NEDD9: variants seen among roughly 807,000 people sequenced by gnomAD.
The protein encoded by NEDD9 is neural precursor cell expressed, developmentally down-regulated 9.
In NEDD9, 26 loss-of-function variants were observed where a neutral mutation model predicts 76.6. That is an observed-to-expected ratio of 0.34 (90% CI 0.25 to 0.47). NEDD9 has a LOEUF of 0.47. Ranked by LOEUF, NEDD9 falls within the 20% of genes least tolerant of loss-of-function variation. NEDD9 has a pLI of 1.00. For synonymous variants in NEDD9, 392 were observed against 414.2 expected (o/e 0.95, Z 0.65); for missense variants, 937 against 1,058.5 (o/e 0.89, Z 1.59).
intron 3 of NEDD9, chr6:11,249,216 T>C (rs1415927548): frequency 2.2e-6 from 1 of 455,578 alleles, no homozygotes; most frequent in Non-Finnish European, 4.4e-6. Flanking sequence ...GTTGAAGGCC[T>C]AAATAAAACA....
intron 3 of NEDD9, among the ~76,000 whole-genome samples, chr6:11,299,823 A>G (rs1050951917): frequency 3.3e-5 from 5 of 152,226 alleles, no homozygotes; most frequent in African/African-American, 1.2e-4. Context: ...CATCAACAAA[A>G]AGGACATCCA....
intron 1 of NEDD9, among the ~76,000 whole-genome samples, chr6:11,336,878 G>A (rs367770704): frequency 1.1e-4 from 16 of 152,304 alleles, no homozygotes; most frequent in African/African-American, 3.4e-4. Flanking sequence ...ATCTTGCCCT[G>A]CTGGAGGATC....
At chr6:11,330,975 T>A (rs1762024960) in intron 2 of NEDD9, among the ~76,000 whole-genome samples, 1 of 152,230 alleles carries the variant, frequency 6.6e-6, no homozygotes, top group Admixed American at 6.5e-5. Flanking sequence ...AATGGAATAT[T>A]GTGTAGATAC....
intron 2 of NEDD9, among the ~76,000 whole-genome samples, chr6:11,319,688 A>G (rs1417937082): frequency 8.9e-6 from 1 of 112,208 alleles, no homozygotes; most frequent in African/African-American, 3.6e-5. Flanking sequence ...ACAAACATGG[A>G]CACTCACACA....
chr6:11,202,586 C>T (rs1758482168), intron 2 of NEDD9, among the ~76,000 whole-genome samples: 1 of 152,232 alleles, frequency 6.6e-6, no homozygotes. Flanking sequence ...AGAAAAGCCA[C>T]ATGTTGCCTA....
chr6:11,366,394 G>A (rs1440472497), intron 1 of NEDD9, among the ~76,000 whole-genome samples: 2 of 128,884 alleles, frequency 1.6e-5, no homozygotes, highest in African/African-American at 5.5e-5. Flanking sequence ...CAGAGAGAGA[G>A]AGAAATAAAA....
rs1676432637 is a variant in NEDD9, at chr6:11,213,003, T to C, written c.459+278A>G. 6.6e-6 allele frequency among the ~76,000 whole-genome samples: 1 copy of C among 152,166 alleles called. No homozygotes were observed. The highest frequency in any genetic ancestry group is 2.4e-5 in the African/African-American group (1 of 41,426). Reference sequence around the variant, plus strand: ...CTTAGAAGCTGATATATGAGAAAGATGGAGAGAAACAGTTTAATAACCCAT... The same window carrying C: ...CTTAGAAGCTGATATATGAGAAAGACGGAGAGAAACAGTTTAATAACCCAT... On this transcript the variant is annotated intron_variant, in intron 2 of 6. Coordinates refer to ENST00000379446, the MANE Select transcript of NEDD9 (RefSeq NM_006403.4). The surrounding 1 kb of genome is among the most constrained non-coding windows in gnomAD (Gnocchi z 5.4).
At chr6:11,228,471 A>C (rs1407017317) in intron 1 of NEDD9, among the ~76,000 whole-genome samples, 1 of 152,196 alleles carries the variant, frequency 6.6e-6, no homozygotes, top group Non-Finnish European at 1.5e-5. Context: ...CAGAGGTCGC[A>C]GTGAGCTGAG....
intron 1 of NEDD9, among the ~76,000 whole-genome samples, chr6:11,216,604 G>A (rs1014480793): frequency 1.4e-4 from 21 of 152,170 alleles, no homozygotes; most frequent in African/African-American, 4.6e-4. Flanking sequence ...GAAGAGGAGC[G>A]GTTCTTCTTT....
intron 1 of NEDD9, chr6:11,214,060 T>C: frequency 2.4e-6 from 1 of 412,648 alleles, no homozygotes; most frequent in Non-Finnish European, 4.6e-6. Context: ...TTTTTCTTCC[T>C]TTTTCAAAGT....
intron 2 of NEDD9, among the ~76,000 whole-genome samples, chr6:11,195,392 C>A (rs571587887): frequency 2.6e-5 from 4 of 152,192 alleles, no homozygotes; most frequent in African/African-American, 9.6e-5. Context: ...GCAAACCTTC[C>A]TTTTCAAAGC....
chr6:11,223,823 A>G (rs1482753912), intron 1 of NEDD9, among the ~76,000 whole-genome samples: 1 of 152,254 alleles, frequency 6.6e-6, no homozygotes, highest in Non-Finnish European at 1.5e-5. Context: ...AAGAAAAGGA[A>G]AGAGAGCACC....
chr6:11,293,057 C>T (rs1210544340), intron 3 of NEDD9, among the ~76,000 whole-genome samples: 1 of 152,202 alleles, frequency 6.6e-6, no homozygotes, highest in Non-Finnish European at 1.5e-5. Flanking sequence ...ACTTGAGAAA[C>T]CACTCCAAGT....
intron 3 of NEDD9, among the ~76,000 whole-genome samples, chr6:11,292,393 C>G (rs1013539822): frequency 1.3e-5 from 2 of 152,144 alleles, no homozygotes; most frequent in African/African-American, 4.8e-5. Flanking sequence ...ACTTTGTGAC[C>G]CATAATCAAA....
chr6:11,282,783 C>T (rs543791093), intron 3 of NEDD9, among the ~76,000 whole-genome samples: 4 of 152,340 alleles, frequency 2.6e-5, no homozygotes, highest in Non-Finnish European at 5.9e-5. Context: ...AACAGCTCCT[C>T]GCTGGCTGTC....
chr6:11,344,575 A>G (rs1762331023), intron 1 of NEDD9, among the ~76,000 whole-genome samples: 1 of 152,210 alleles, frequency 6.6e-6, no homozygotes, highest in Admixed American at 6.5e-5. Flanking sequence ...TGTGACCTCA[A>G]TGCCACCTCC....
intron 2 of NEDD9, among the ~76,000 whole-genome samples, chr6:11,326,379 C>A (rs1286972842): frequency 1.3e-5 from 2 of 152,156 alleles, no homozygotes; most frequent in Non-Finnish European, 2.9e-5. Flanking sequence ...CTAAGAAATT[C>A]TTGAGAGTGG....
At chr6:11,348,138 C>T (rs1284016729) in intron 1 of NEDD9, among the ~76,000 whole-genome samples, 1 of 152,150 alleles carries the variant, frequency 6.6e-6, no homozygotes, top group South Asian at 2.1e-4. Flanking sequence ...TTCCTATACA[C>T]CAACAACAGT....
chr6:11,280,293 T>C (rs774960369), intron 3 of NEDD9, among the ~76,000 whole-genome samples: 17 of 152,322 alleles, frequency 1.1e-4, no homozygotes, highest in South Asian at 6.2e-4. Flanking sequence ...GGAACTAAAC[T>C]AACATCTCAA....
Sources: gnomAD v4.1 joint callset for allele counts (sites outside exome capture counted in the v4.1 genomes callset) on GRCh38, gnomAD v4.1.1 for gene constraint, Gnocchi (gnomAD v3.1) non-coding constraint, MANE v1.5 for transcripts, NCBI Gene and HGNC (gene_info 2026-07-23, HGNC 2026-07-21) for gene names.